Variants in TFCP2L1 observed in about 807,000 individuals in gnomAD.
TFCP2L1 encodes the protein transcription factor CP2 like 1.
In TFCP2L1, 12 loss-of-function variants were observed where a neutral mutation model predicts 72.2. The ratio of observed to expected loss-of-function variants is 0.17; its 90% confidence interval spans 0.11 to 0.27. The LOEUF (loss-of-function observed/expected upper bound fraction) is 0.27, where lower values mean the gene tolerates loss of function less well. TFCP2L1 is among the 10% of genes least tolerant of loss of function. The pLI is 1.00. For synonymous variants in TFCP2L1, 260 were observed against 251.0 expected (o/e 1.04, Z -0.34); for missense variants, 488 against 624.6 (o/e 0.78, Z 2.33).
intron 2 of TFCP2L1, among the ~76,000 whole-genome samples, chr2:121,259,198 A>C (rs1467224583): frequency 6.6e-6 from 1 of 152,006 alleles, no homozygotes; most frequent in Non-Finnish European, 1.5e-5. Flanking sequence ...TAGGACAATC[A>C]CTTGAATCCA....
Position 121,249,656 on chromosome 2 carries a change from G to C in TFCP2L1, c.215-9C>G. 1.9e-6 allele frequency: 3 copies of C among 1,613,916 alleles called. No homozygotes were observed. Among genetic ancestry groups the C allele is most frequent in the Admixed American group, 3.3e-5 (2 of 60,006 alleles). On this transcript the variant is annotated splice_polypyrimidine_tract_variant and intron_variant, in intron 2 of 14. Coordinates refer to ENST00000263707, the MANE Select transcript of TFCP2L1 (RefSeq NM_014553.3). The stretch of plus-strand genomic sequence containing the variant: ...GATTTCATAAGACTGACCTGGATGG[G>C]GGTTAAAAGGACATTTTCCATTTCT...
chr2:121,246,804 C>G lies in TFCP2L1; in HGVS notation c.657+14G>C. On this transcript the variant is annotated intron_variant, in intron 6 of 14. Transcript: ENST00000263707. Reference sequence around the variant, plus strand: ...CAGCAGCAGGGCACGGCAGAGCCTGCGAAGCCATCCTACCTTGAACACCTT... The same window carrying G: ...CAGCAGCAGGGCACGGCAGAGCCTGGGAAGCCATCCTACCTTGAACACCTT... The G allele has an allele frequency of 6.2e-7, 1 of 1,613,908 alleles. No homozygotes were observed.
chr2:121,228,047 C>T (rs1419038796), intron 13 of TFCP2L1, among the ~76,000 whole-genome samples: 2 of 152,232 alleles, frequency 1.3e-5, no homozygotes, highest in East Asian at 1.9e-4. Context: ...GGGCCGGCTC[C>T]GCGGCTGGCC....
intron 8 of TFCP2L1, 92 bp downstream of exon 8, chr2:121,239,466 G>A: frequency 2.1e-6 from 3 of 1,413,920 alleles, no homozygotes. Flanking sequence ...AACCCAAACA[G>A]AAAGGAGAGG....
chr2:121,236,590 A>G (rs1686252964), intron 10 of TFCP2L1, among the ~76,000 whole-genome samples: 1 of 152,158 alleles, frequency 6.6e-6, no homozygotes, highest in Admixed American at 6.5e-5. Flanking sequence ...GGTTTTAGGT[A>G]CAATTCTATA....
At chr2:121,271,839 T>C (rs1033353003) in intron 2 of TFCP2L1, among the ~76,000 whole-genome samples, 5 of 152,198 alleles carry the variant, frequency 3.3e-5, no homozygotes, top group African/African-American at 9.7e-5. Flanking sequence ...AGACAGGACT[T>C]TCCCCTGAAG....
At chr2:121,228,281 A>G (rs1686071378) in intron 13 of TFCP2L1, among the ~76,000 whole-genome samples, 1 of 152,130 alleles carries the variant, frequency 6.6e-6, no homozygotes, top group African/African-American at 2.4e-5. Flanking sequence ...CGTTCCCCAC[A>G]TTTTTGGCTT....
intron 2 of TFCP2L1, among the ~76,000 whole-genome samples, chr2:121,278,912 G>T (rs374481896): frequency 4.0e-5 from 6 of 151,870 alleles, no homozygotes; most frequent in African/African-American, 1.5e-4. Context: ...GCTGAGGCAG[G>T]AGAATTGCTT....
chr2:121,236,775 T>C (rs573793566), intron 10 of TFCP2L1, among the ~76,000 whole-genome samples: 33 of 152,220 alleles, frequency 2.2e-4, no homozygotes, highest in African/African-American at 7.7e-4. Flanking sequence ...GGTGCCCACA[T>C]GGTGGCTGAC....
chr2:121,242,368 G>T lies in TFCP2L1; in HGVS notation c.759C>A (p.Ile253=). 1 of 1,614,112 alleles carries T rather than the reference G, an allele frequency of 6.2e-7. No homozygotes were observed. Among genetic ancestry groups the T allele is most frequent in the Non-Finnish European group, 8.5e-7 (1 of 1,179,972 alleles). ...EKYQPSYETT[I]LTECSPWPDV... ...CACCCAGCCGGCTCACCTCTGTGAG[G>T]ATGGTGGTTTCATAGGACGGCTGGT... The change falls in exon 7 of 15, where the codon ATC becomes ATA. Residue 253 remains isoleucine, a synonymous_variant. Coordinates refer to ENST00000263707, the MANE Select transcript of TFCP2L1 (RefSeq NM_014553.3).
chr2:121,278,634 C>T (rs1225606959), intron 2 of TFCP2L1, among the ~76,000 whole-genome samples: 7 of 149,930 alleles, frequency 4.7e-5, no homozygotes, highest in East Asian at 4.0e-4. Context: ...TGCAGTGAGC[C>T]GAGCCTGCAC....
At chr2:121,269,034 T>TA (rs1335541331) in intron 2 of TFCP2L1, among the ~76,000 whole-genome samples, 2 of 151,130 alleles carry the variant, frequency 1.3e-5, no homozygotes, top group African/African-American at 4.9e-5. Flanking sequence ...TTTTTTTTAT[T>TA]AAAAAAAAGA....
At position 121,218,242 on chromosome 2, in the gene TFCP2L1, C is replaced by T. The variant is rs892164620; in HGVS notation, c.*6099G>A. ...TTTTAAATTGATAAAATCCAAAATA[C>T]AATAATTGAGTACATATTTTTGGTA... On this transcript the variant is annotated 3_prime_UTR_variant, in exon 15 of 15. Transcript: ENST00000263707. 1 of 151,906 alleles carries T rather than the reference C, an allele frequency of 6.6e-6. No homozygotes were observed. The highest frequency in any genetic ancestry group is 2.4e-5 in the African/African-American group (1 of 41,336). The allele number at this position is 151,906 out of a possible 1,614,324, so 9.4% of individuals were successfully genotyped here.
chr2:121,277,942 A>G (rs1477525972), intron 2 of TFCP2L1, among the ~76,000 whole-genome samples: 4 of 152,124 alleles, frequency 2.6e-5, no homozygotes, highest in Non-Finnish European at 5.9e-5. Context: ...AGATTATTTT[A>G]ATAACCTACA....
chr2:121,221,151 G>A lies in TFCP2L1; in HGVS notation c.*3190C>T, dbSNP rs1685921730. 6.6e-6 allele frequency: 1 copy of A among 152,156 alleles called. No individual in the cohort carries two copies. The highest frequency in any genetic ancestry group is 2.1e-4 in the South Asian group (1 of 4,832). 9.4% of individuals were successfully genotyped at this position (152,156 alleles called of 1,614,324 possible). On this transcript the variant is annotated 3_prime_UTR_variant, in exon 15 of 15. Coordinates refer to ENST00000263707, the MANE Select transcript of TFCP2L1 (RefSeq NM_014553.3). ...GTCTAGTCCTGGTCCTTCCACTAAT[G>A]GGCTATGGTGACCCTGAGCACATTA...
chr2:121,237,945 A>G, intron 8 of TFCP2L1, 95 bp from the exon 9 acceptor site: 2 of 1,321,944 alleles, frequency 1.5e-6, no homozygotes, highest in Non-Finnish European at 2.1e-6. Context: ...ACTTCCTATC[A>G]GATGCAGGAT....
At chr2:121,250,192 CA>C (rs1686576310) in intron 2 of TFCP2L1, among the ~76,000 whole-genome samples, 1 of 152,086 alleles carries the variant, frequency 6.6e-6, no homozygotes, top group African/African-American at 2.4e-5. Flanking sequence ...ATAACTAGCA[CA>C]GGCTGGTCAA....
chr2:121,246,601 C>A (rs1448934381), intron 6 of TFCP2L1, among the ~76,000 whole-genome samples: 1 of 152,202 alleles, frequency 6.6e-6, no homozygotes, highest in Non-Finnish European at 1.5e-5. Flanking sequence ...TGAGCGGGTG[C>A]CGCAGGTGAA....
intron 2 of TFCP2L1, among the ~76,000 whole-genome samples, chr2:121,266,198 C>T (rs1686927597): frequency 6.6e-6 from 1 of 151,004 alleles, no homozygotes; most frequent in Non-Finnish European, 1.5e-5. Flanking sequence ...CTAACCATAG[C>T]ACAGTGGCCC....
Sources: allele counts gnomAD v4.1 joint callset (sites outside exome capture counted in the v4.1 genomes callset), GRCh38; gene constraint gnomAD v4.1.1; transcripts MANE v1.5; gene names NCBI Gene and HGNC (gene_info 2026-07-23, HGNC 2026-07-21).